Variants in SWT1 observed in about 807,000 individuals in gnomAD.
The protein encoded by SWT1 is SWT1 RNA endoribonuclease homolog.
Under a neutral mutation model 107.3 loss-of-function variants are expected in SWT1, and 33 were observed. The ratio of observed to expected loss-of-function variants is 0.31; its 90% confidence interval spans 0.23 to 0.41. The LOEUF (loss-of-function observed/expected upper bound fraction) is 0.41, where lower values mean the gene tolerates loss of function less well. Ranked by LOEUF, SWT1 falls within the 10% of genes least tolerant of loss-of-function variation. The pLI is 1.00. For synonymous variants in SWT1, 345 were observed against 348.3 expected, an observed-to-expected ratio of 0.99 and a Z score of 0.11; for missense variants, 898 against 1,028.9, an observed-to-expected ratio of 0.87 and a Z score of 1.74.
At chr1:185,281,984 G>A (rs1480246376) in intron 18 of SWT1, among the ~76,000 whole-genome samples, 1 of 152,206 alleles carries the variant, frequency 6.6e-6, no homozygotes, top group African/African-American at 2.4e-5. Flanking sequence ...AATGGATAGA[G>A]GGACTGATCT....
intron 10 of SWT1, 21 bp from the exon 11 acceptor site, chr1:185,202,633 A>T (rs1434420240): frequency 1.3e-6 from 2 of 1,598,308 alleles, no homozygotes; most frequent in South Asian, 2.3e-5. Flanking sequence ...TTTCCTCCTA[A>T]TCCCAACCTC....
chr1:185,257,525 GT>G (rs1662671568), intron 16 of SWT1, among the ~76,000 whole-genome samples: 1 of 152,216 alleles, frequency 6.6e-6, no homozygotes, highest in Non-Finnish European at 1.5e-5. Flanking sequence ...CAGTATTCGG[GT>G]GGGAGTGACC....
At chr1:185,237,214 G>T (rs531847258) in intron 16 of SWT1, among the ~76,000 whole-genome samples, 5 of 152,238 alleles carry the variant, frequency 3.3e-5, no homozygotes, top group African/African-American at 9.6e-5. Context: ...TATATCCAAA[G>T]GACTATATGT....
In SWT1 at chr1:185,181,968, A is replaced by G. The variant is rs751642024; in HGVS notation, c.1049A>G (p.His350Arg). 9 of 1,613,946 alleles carry G rather than the reference A, an allele frequency of 5.6e-6. No individual in the cohort carries two copies. Among genetic ancestry groups the G allele is most frequent in the Middle Eastern group, 3.3e-4 (2 of 6,058 alleles). ...DQEMQIVEELHAARVGKSVDL... is the reference protein window; with the variant it reads ...DQEMQIVEELRAARVGKSVDL... Reference sequence around the variant, plus strand: ...TAGATGCAGATAGTAGAAGAGCTTCATGCTGCACGTGTGGGAAAAAGTGTG... The same window carrying G: ...TAGATGCAGATAGTAGAAGAGCTTCGTGCTGCACGTGTGGGAAAAAGTGTG... The change falls in exon 7 of 19, where the codon CAT becomes CGT. Residue 350 changes from histidine (H) to arginine (R), a missense_variant. By Grantham distance (29) the His-to-Arg change is conservative. This residue lies in a region of SWT1 where 94 missense variants were observed against 114.5 expected (regional missense o/e 0.82). Transcript: ENST00000367500.
At chr1:185,261,228 G>T (rs909806229) in intron 16 of SWT1, among the ~76,000 whole-genome samples, 7 of 151,894 alleles carry the variant, frequency 4.6e-5, no homozygotes, top group South Asian at 2.1e-4. Context: ...GACTACTTTA[G>T]GTACCTAATA....
At position 185,266,029 on chromosome 1, in the gene SWT1, A is replaced by G. The variant is rs560296429; in HGVS notation, c.2442-5294A>G. On this transcript the variant is annotated intron_variant, in intron 16 of 18. Transcript: ENST00000367500. The stretch of plus-strand genomic sequence containing the variant: ...AAGTCATTATTTATAAATATCCAAG[A>G]ACATATTTAAGTGTTTTGAATTTCT... Among the ~76,000 whole-genome samples the G allele has an allele frequency of 5.9e-5, 9 of 152,240 alleles. No homozygotes were observed. The South Asian group carries it at 1.9e-3, about 32-fold the overall frequency.
rs781671052 is a variant in SWT1, at chr1:185,184,970, T to G, written c.1429+39T>G. On this transcript the variant is annotated intron_variant, in intron 9 of 18. Coordinates refer to ENST00000367500, the MANE Select transcript of SWT1 (RefSeq NM_017673.7). ...TCTCAGAGTGCCTCCTGATTAATAC[T>G]TGTTTGGGTGCAGACTCATTATTGG... is the stretch of plus-strand genomic sequence containing the variant. 5.2e-6 allele frequency: 7 copies of G among 1,344,872 alleles called. No individual in the cohort carries two copies. The East Asian group carries it at 1.6e-4, about 31-fold the overall frequency. The allele number at this position is 1,344,872 out of a possible 1,614,324, so 83.3% of individuals were successfully genotyped here.
rs373475486 is a variant in SWT1, at chr1:185,249,193, G to T, written c.2441+17485G>T. On this transcript the variant is annotated intron_variant, in intron 16 of 18. Coordinates refer to ENST00000367500, the MANE Select transcript of SWT1 (RefSeq NM_017673.7). ...ATCTTCATGTAGCCTGAGCTTTGTC[G>T]CAGGCTGCAGGCTGGTTTCCAAGAG... Among the ~76,000 whole-genome samples the T allele has an allele frequency of 5.3e-5, 8 of 152,152 alleles. No homozygotes were observed. In the East Asian group the frequency reaches 7.7e-4, roughly 15 times the overall value.
intron 15 of SWT1, among the ~76,000 whole-genome samples, chr1:185,228,596 G>A (rs1412751069): frequency 6.6e-6 from 1 of 152,118 alleles, no homozygotes; most frequent in African/African-American, 2.4e-5. Flanking sequence ...ATTGCACAGT[G>A]TCTGTAAAAG....
In SWT1 at chr1:185,222,018, T is replaced by C; in HGVS notation, c.2291T>C (p.Ile764Thr). The C allele has an allele frequency of 6.4e-7, 1 of 1,573,030 alleles. No individual in the cohort carries two copies. Among genetic ancestry groups the C allele is most frequent in the Non-Finnish European group, 8.6e-7 (1 of 1,166,104 alleles). ...EIWSILESVW[I>T]TIYQNSTDVF... ...TGGTCTATCCTAGAGAGTGTTTGGATTACAATATATCAGAACAGGTACTAA... is the reference window on the plus strand; with the variant it reads ...TGGTCTATCCTAGAGAGTGTTTGGACTACAATATATCAGAACAGGTACTAA... The change falls in exon 15 of 19, where the codon ATT (isoleucine) becomes ACT (threonine). Residue 764 changes from isoleucine (I) to threonine (T), a missense_variant. Physicochemically the swap from Ile to Thr is moderately conservative, Grantham distance 89 (BLOSUM62 -1). This residue lies in a region of SWT1 where 382 missense variants were observed against 460.0 expected (regional missense o/e 0.83). Coordinates refer to ENST00000367500, the MANE Select transcript of SWT1 (RefSeq NM_017673.7).
chr1:185,266,704 T>A (rs1663425732), intron 16 of SWT1: 1 of 151,916 alleles, frequency 6.6e-6, no homozygotes, highest in Admixed American at 6.5e-5. Flanking sequence ...GATTTGTATT[T>A]ACTATTGAGC....
In SWT1 at chr1:185,173,582, A is replaced by G. The variant is rs1571412113; in HGVS notation, c.225-790A>G. Among the ~76,000 whole-genome samples the G allele has an allele frequency of 2.0e-5, 3 of 150,338 alleles. No homozygotes were observed. In the East Asian group the frequency reaches 5.9e-4, roughly 30 times the overall value. ...AAATTAGCCAGATGTGGTAGTGTGC[A>G]TCTGTAGTGCCAGCTACTCAGGAGG... On this transcript the variant is annotated intron_variant, in intron 4 of 18. Transcript: ENST00000367500.
chr1:185,208,374 A>G (rs967489787), intron 13 of SWT1, among the ~76,000 whole-genome samples: 1 of 152,150 alleles, frequency 6.6e-6, no homozygotes, highest in Non-Finnish European at 1.5e-5. Flanking sequence ...GTGGTAGGGG[A>G]TGATAAGAGA....
At chr1:185,275,231 C>A (rs565804690) in intron 17 of SWT1, among the ~76,000 whole-genome samples, 1 of 151,840 alleles carries the variant, frequency 6.6e-6, no homozygotes, top group African/African-American at 2.4e-5. Context: ...CATTTGGTGG[C>A]CCGTGTTCTG....
intron 18 of SWT1, chr1:185,281,112 T>C: frequency 4.1e-6 from 1 of 245,580 alleles, no homozygotes; most frequent in Non-Finnish European, 8.2e-6. Context: ...TTTAAGAAGG[T>C]AAATAAATGC....
At chr1:185,219,769 C>G (rs755761871) in intron 14 of SWT1, among the ~76,000 whole-genome samples, 1 of 152,042 alleles carries the variant, frequency 6.6e-6, no homozygotes, top group Non-Finnish European at 1.5e-5. Context: ...CTTTTCCATT[C>G]TTAAATACCG....
At chr1:185,281,852 C>G (rs1664644277) in intron 18 of SWT1, 1 of 152,504 alleles carries the variant, frequency 6.6e-6, no homozygotes, top group Non-Finnish European at 1.5e-5. Flanking sequence ...GTAAATTAAC[C>G]TAATAAACTA....
At chr1:185,286,880 T>C (rs916657776) in intron 18 of SWT1, among the ~76,000 whole-genome samples, 5 of 152,230 alleles carry the variant, frequency 3.3e-5, no homozygotes, top group Non-Finnish European at 7.3e-5. Context: ...CAAAGTTGAA[T>C]AGTGAAAGAA....
chr1:185,167,795 G>A (rs1237993998), intron 3 of SWT1, among the ~76,000 whole-genome samples: 5 of 151,864 alleles, frequency 3.3e-5, no homozygotes, highest in Admixed American at 6.6e-5. Context: ...TCTTTTACTC[G>A]TCTTTCAAGC....
Sources: gnomAD v4.1 joint callset for allele counts (sites outside exome capture counted in the v4.1 genomes callset) on GRCh38, gnomAD v4.1.1 for gene constraint, gnomAD v4.1.1 regional missense constraint, MANE v1.5 for transcripts, NCBI Gene and HGNC (gene_info 2026-07-23, HGNC 2026-07-21) for gene names.